Variants in SVIL observed in about 807,000 individuals in gnomAD.
SVIL encodes the protein supervillin, also known as archvillin.
A neutral mutation model predicts 240.4 loss-of-function variants in SVIL; 101 were observed. That is an observed-to-expected ratio of 0.42 (90% CI 0.36 to 0.50). SVIL has a LOEUF of 0.50. Ranked by LOEUF, SVIL falls within the 20% of genes least tolerant of loss-of-function variation. The pLI is 0.01. For missense variants in SVIL, 2,512 were observed against 2,818.7 expected (o/e 0.89, Z 2.46); for synonymous variants, 999 against 1,100.0 (o/e 0.91, Z 1.82).
chr10:29,621,021 C>T (rs2132912457), intron 1 of SVIL, among the ~76,000 whole-genome samples: 1 of 140,176 alleles, frequency 7.1e-6, no homozygotes, highest in Admixed American at 7.3e-5. Flanking sequence ...CCAGGCTGGT[C>T]TCGAACTCTT....
At chr10:29,712,158 A>G (rs1032371459) in intron 1 of SVIL, 1 of 152,206 alleles carries the variant, frequency 6.6e-6, no homozygotes, top group African/African-American at 2.4e-5. Context: ...TCTTCTACAG[A>G]CAGTATTTAC....
At chr10:29,732,898 T>A (rs1019607297) in intron 1 of SVIL, among the ~76,000 whole-genome samples, 1 of 151,978 alleles carries the variant, frequency 6.6e-6, no homozygotes, top group Non-Finnish European at 1.5e-5. Flanking sequence ...GCCATTAGAA[T>A]ACTGGGCTTT....
At chr10:29,655,924 G>A (rs1390321252) in intron 3 of SVIL, among the ~76,000 whole-genome samples, 1 of 149,122 alleles carries the variant, frequency 6.7e-6, no homozygotes, top group African/African-American at 2.5e-5. Flanking sequence ...TGTCACTGGA[G>A]TGCAGTGGCA....
intron 2 of SVIL, among the ~76,000 whole-genome samples, chr10:29,667,896 C>T (rs1335882772): frequency 6.6e-6 from 1 of 151,520 alleles, no homozygotes; most frequent in Non-Finnish European, 1.5e-5. Context: ...AAAGAGGCAA[C>T]GTTATTATAT....
chr10:29,521,202 G>C (rs1430825746), intron 16 of SVIL, among the ~76,000 whole-genome samples: 3 of 138,004 alleles, frequency 2.2e-5, no homozygotes, highest in African/African-American at 8.4e-5. Flanking sequence ...CAGCCTGGGT[G>C]ACAAAGCAAG....
At chr10:29,536,301 C>A (rs1951738658) in intron 6 of SVIL, among the ~76,000 whole-genome samples, 2 of 152,074 alleles carry the variant, frequency 1.3e-5, no homozygotes, top group Non-Finnish European at 2.9e-5. Flanking sequence ...AACCTGTGGG[C>A]TGCTGTGCTT....
chr10:29,504,663 A>T lies in SVIL; in HGVS notation c.3517-5400T>A, dbSNP rs372012344. On this transcript the variant is annotated intron_variant, in intron 17 of 37. Coordinates refer to ENST00000355867, the MANE Select transcript of SVIL (RefSeq NM_021738.3). Reference sequence around the variant, plus strand: ...AACAAGGTGACATTATTACACATCAATTAGGATGGCAAAAATGCAAACACT... The same window carrying T: ...AACAAGGTGACATTATTACACATCATTTAGGATGGCAAAAATGCAAACACT... Among the ~76,000 whole-genome samples the T allele has an allele frequency of 1.2e-4, 19 of 152,344 alleles. No individual in the cohort carries two copies. The East Asian group carries it at 3.7e-3, about 29-fold the overall frequency.
chr10:29,665,385 G>A (rs1323992066), intron 2 of SVIL, among the ~76,000 whole-genome samples: 1 of 152,092 alleles, frequency 6.6e-6, no homozygotes, highest in Non-Finnish European at 1.5e-5. Context: ...ACCTGGCGAA[G>A]GCAAATATTT....
Position 29,533,178 on chromosome 10 carries a change from C to A in SVIL, c.1189G>T (p.Ala397Ser). The A allele has an allele frequency of 6.2e-7, 1 of 1,614,152 alleles. No homozygotes were observed. The highest frequency in any genetic ancestry group is 8.5e-7 in the Non-Finnish European group (1 of 1,180,034). The change falls in exon 8 of 38, where the codon GCC becomes TCC. Residue 397 changes from alanine to serine, a missense_variant. Ala to Ser is a moderately conservative substitution (Grantham distance 99). Around this residue, in one of 3 missense-constraint regions of SVIL, gnomAD observed 1,443 missense variants for 1,486.6 expected, o/e 0.97. Coordinates refer to ENST00000355867, the MANE Select transcript of SVIL (RefSeq NM_021738.3). ...GGAGGTTTGGGGACATTCTGGGTGG[C>A]TGATGCTACCCAGCTACACTCAGAT... ...NASECSWVAS[A>S]TQNVPKPPSL...
At chr10:29,692,656 A>T (rs12773855) in intron 1 of SVIL, among the ~76,000 whole-genome samples, 7,041 of 149,716 alleles carry the variant, frequency 0.047, 235 homozygotes, top group Non-Finnish European at 0.068. Context: ...TATATATATA[A>T]AAATATATTT....
At position 29,543,330 on chromosome 10, in the gene SVIL, G is replaced by C. The variant is rs530543741; in HGVS notation, c.828-7261C>G. 2.0e-5 allele frequency among the ~76,000 whole-genome samples: 3 copies of C among 152,294 alleles called. No individual in the cohort carries two copies. The South Asian group carries it at 6.2e-4, about 32-fold the overall frequency. The stretch of plus-strand genomic sequence containing the variant: ...TTTGTCAGTGGCCCTATTAGAAAGA[G>C]ATATCCAGATGTAATCTGACCACTG... On this transcript the variant is annotated intron_variant, in intron 6 of 37. Transcript: ENST00000355867.
chr10:29,622,134 C>G (rs1356151299), intron 1 of SVIL, among the ~76,000 whole-genome samples: 1 of 150,276 alleles, frequency 6.7e-6, no homozygotes, highest in Non-Finnish European at 1.5e-5. Context: ...CCTGTAGTCC[C>G]AGCTACTCGG....
intron 30 of SVIL, chr10:29,473,462 C>A (rs1446231388): frequency 4.1e-6 from 1 of 244,438 alleles, no homozygotes; most frequent in Non-Finnish European, 7.8e-6. Flanking sequence ...TGCCAGCTGG[C>A]CCTGGATCCA....
chr10:29,488,133 C>T (rs138374148), intron 23 of SVIL, among the ~76,000 whole-genome samples: 70 of 152,244 alleles, frequency 4.6e-4, no homozygotes, highest in East Asian at 1.4e-3. Context: ...GCTTCATCTG[C>T]GTCGAACTTC....
intron 1 of SVIL, among the ~76,000 whole-genome samples, chr10:29,694,528 C>T (rs1961775676): frequency 6.6e-6 from 1 of 152,068 alleles, no homozygotes; most frequent in Admixed American, 6.6e-5. Flanking sequence ...GGCATGATCT[C>T]GGCTCACTGC....
intron 6 of SVIL, among the ~76,000 whole-genome samples, chr10:29,536,624 T>G (rs953593010): frequency 9.2e-5 from 14 of 152,118 alleles, no homozygotes; most frequent in African/African-American, 3.1e-4. Context: ...GAAAGGAGTC[T>G]GTTGGCCGGG....
At chr10:29,563,361 C>T (rs372057774) in intron 2 of SVIL, 69 bp from the exon 3 acceptor site, 1 of 725,144 alleles carries the variant, frequency 1.4e-6, no homozygotes, top group Non-Finnish European at 1.7e-6. Flanking sequence ...AAATGCAGAA[C>T]ACAAAAATTA....
intron 7 of SVIL, among the ~76,000 whole-genome samples, chr10:29,534,331 T>C (rs1951593567): frequency 6.6e-6 from 1 of 152,108 alleles, no homozygotes; most frequent in South Asian, 2.1e-4. Flanking sequence ...AGTGAGATCT[T>C]GTCTCTACAA....
chr10:29,526,138 C>A (rs2132541327), intron 13 of SVIL, among the ~76,000 whole-genome samples: 1 of 152,234 alleles, frequency 6.6e-6, no homozygotes, highest in East Asian at 1.9e-4. Flanking sequence ...GTTATTTTCC[C>A]AGTCCCAAAA....
Sources: gnomAD v4.1 joint callset for allele counts (sites outside exome capture counted in the v4.1 genomes callset) on GRCh38, gnomAD v4.1.1 for gene constraint, gnomAD v4.1.1 regional missense constraint, MANE v1.5 for transcripts, NCBI Gene and HGNC (gene_info 2026-07-23, HGNC 2026-07-21) for gene names.